C3orf33: variants seen among roughly 807,000 people sequenced by gnomAD.
C3orf33 encodes mitochondrial inner membrane subdomain organizer 1.
Under a neutral mutation model 28.7 loss-of-function variants are expected in C3orf33, and 23 were observed. The observed-to-expected ratio is 0.80, with a 90% CI of 0.58 to 1.13. The LOEUF is 1.13. Ranked by LOEUF, C3orf33 falls within the 50% of genes most tolerant of loss-of-function variation. C3orf33 has a pLI of 0.00. For missense variants in C3orf33, 327 were observed against 353.4 expected, an observed-to-expected ratio of 0.93 and a Z score of 0.60; for synonymous variants, 119 against 120.5, an observed-to-expected ratio of 0.99 and a Z score of 0.08.
In C3orf33 at chr3:155,765,611, G is replaced by C. The variant is rs1426283292; in HGVS notation, c.484-1693C>G. 2.0e-5 allele frequency among the ~76,000 whole-genome samples: 3 copies of C among 152,082 alleles called. No individual in the cohort carries two copies. In the South Asian group the frequency reaches 6.2e-4, roughly 31 times the overall value. On this transcript the variant is annotated intron_variant, in intron 4 of 4. Coordinates refer to ENST00000340171, the MANE Select transcript of C3orf33 (RefSeq NM_001308229.2). ...CACCCAGGCTGGAGTGCAGTGGCAC[G>C]ATCTCGGCTTACTGTAACCTCCGCC...
At position 155,790,634 on chromosome 3, in the gene C3orf33, T is replaced by C. The variant is rs978698814; in HGVS notation, c.174+11898A>G. Among the ~76,000 whole-genome samples, 3 of 152,090 alleles carry C rather than the reference T, an allele frequency of 2.0e-5. No individual in the cohort carries two copies. The South Asian group carries it at 6.2e-4, about 31-fold the overall frequency. On this transcript the variant is annotated intron_variant, in intron 2 of 4. Transcript: ENST00000340171. ...ATCCCTTTGCAGCAGCTGCGTGGCA[T>C]GGAGGGAGAATCTATGCACTTGGAT...
At chr3:155,799,987 A>G (rs1751593006) in intron 2 of C3orf33, among the ~76,000 whole-genome samples, 1 of 152,190 alleles carries the variant, frequency 6.6e-6, no homozygotes, top group Admixed American at 6.5e-5. Context: ...AATAGAATGA[A>G]TAAGATCTAG....
In C3orf33 at chr3:155,806,257, C is replaced by G; in HGVS notation, c.-5G>C. On this transcript the variant is annotated 5_prime_UTR_variant, in exon 1 of 5. Transcript: ENST00000340171. ...GGCCGCGGGCTGCCCCGCCATGTTC[C>G]CGGCCTCCTGCGAGCGGCCCTGAGC... is the stretch of plus-strand genomic sequence containing the variant. 1 of 1,466,626 alleles carries G rather than the reference C, an allele frequency of 6.8e-7. No homozygotes were observed. Among genetic ancestry groups the G allele is most frequent in the East Asian group, 2.8e-5 (1 of 36,302 alleles). 90.9% of individuals were successfully genotyped at this position (1,466,626 alleles called of 1,614,324 possible).
chr3:155,763,870 G>T lies in C3orf33; in HGVS notation c.532C>A (p.Leu178Ile). The T allele has an allele frequency of 1.3e-6, 2 of 1,504,372 alleles. No individual in the cohort carries two copies. The highest frequency in any genetic ancestry group is 2.7e-5 in the Admixed American group (1 of 37,590). The allele number at this position is 1,504,372 out of a possible 1,614,324, so 93.2% of individuals were successfully genotyped here. ...CCTTTAACAAGAACAGTTTTGCCAA[G>T]GCCTCTTCTCAAAATTTCTTCATTC... ...NLNEEILRRG[L>I]GKTVLVKGLK... The change falls in exon 5 of 5, where the codon CTT (leucine) becomes ATT (isoleucine). Residue 178 changes from leucine to isoleucine, a missense_variant. Physicochemically the swap from Leu to Ile is conservative, Grantham distance 5 (BLOSUM62 2). Coordinates refer to ENST00000340171, the MANE Select transcript of C3orf33 (RefSeq NM_001308229.2).
Position 155,769,324 on chromosome 3 carries a change from A to C in C3orf33, c.323-1655T>G, listed in dbSNP as rs530195870. 1.0e-3 allele frequency among the ~76,000 whole-genome samples: 155 copies of C among 151,576 alleles called. 1 individual carries two copies. The highest frequency in any genetic ancestry group is 3.6e-3 in the African/African-American group (149 of 41,368). Reference sequence around the variant, plus strand: ...CAAAACTCCCTCTCAAAAAAAAAAAAAAAAAATACAAAAATTAGCTGGGCA... The same window carrying C: ...CAAAACTCCCTCTCAAAAAAAAAAACAAAAAATACAAAAATTAGCTGGGCA... On this transcript the variant is annotated intron_variant, in intron 3 of 4. Transcript: ENST00000340171.
chr3:155,779,651 CA>C (rs113481391), intron 2 of C3orf33, among the ~76,000 whole-genome samples: 9 of 144,440 alleles, frequency 6.2e-5, no homozygotes, highest in Admixed American at 6.9e-5. Flanking sequence ...AGAAGAAGGG[CA>C]AAAAAAAAAT....
intron 2 of C3orf33, among the ~76,000 whole-genome samples, chr3:155,792,360 G>T (rs144714291): frequency 6.6e-6 from 1 of 152,176 alleles, no homozygotes; most frequent in East Asian, 1.9e-4. Context: ...TTCCAGAGAA[G>T]GACAGGTCCA....
At chr3:155,803,097 A>G (rs1364947761) in intron 1 of C3orf33, among the ~76,000 whole-genome samples, 1 of 152,200 alleles carries the variant, frequency 6.6e-6, no homozygotes, top group African/African-American at 2.4e-5. Context: ...CTTAATATAC[A>G]GCACTTGGCA....
chr3:155,799,580 T>G (rs373004122), intron 2 of C3orf33, among the ~76,000 whole-genome samples: 4 of 152,162 alleles, frequency 2.6e-5, no homozygotes, highest in East Asian at 3.9e-4. Flanking sequence ...TCCCAGCTAC[T>G]CAGGAGGCTG....
At chr3:155,771,229 G>A (rs553581543) in intron 3 of C3orf33, among the ~76,000 whole-genome samples, 26 of 151,834 alleles carry the variant, frequency 1.7e-4, no homozygotes, top group African/African-American at 6.0e-4. Flanking sequence ...TATCAGCCTC[G>A]CAAGTAACCA....
Position 155,767,591 on chromosome 3 carries a change from T to G in C3orf33, c.401A>C (p.Glu134Ala), listed in dbSNP as rs757102561. 2.5e-6 allele frequency: 4 copies of G among 1,598,294 alleles called. No individual in the cohort carries two copies. The highest frequency in any genetic ancestry group is 3.4e-6 in the Non-Finnish European group (4 of 1,170,348). ...AETGKAWLQK[E>A]LKPSQLLWFQ... is the part of the protein sequence containing the mutation. ...CCATAGTAATTGGGAAGGTTTTAGC[T>G]CTTTTTGTAACCATGCCTTCCCAGT... Residue 134 changes from glutamate (E) to alanine (A), a missense_variant, in exon 4 of 5, where the codon GAG becomes GCG. By Grantham distance (107) the Glu-to-Ala change is moderately radical. Coordinates refer to ENST00000340171, the MANE Select transcript of C3orf33 (RefSeq NM_001308229.2).
intron 3 of C3orf33, among the ~76,000 whole-genome samples, chr3:155,770,174 C>T (rs1750537264): frequency 6.6e-6 from 1 of 152,182 alleles, no homozygotes. Flanking sequence ...CTCAACAAAA[C>T]TCTTTGCCTT....
At chr3:155,800,627 A>AAAAAAAAAAAAAAAAAG (rs1751618315) in intron 2 of C3orf33, among the ~76,000 whole-genome samples, 1 of 147,122 alleles carries the variant, frequency 6.8e-6, no homozygotes, top group Non-Finnish European at 1.5e-5. Flanking sequence ...AAAAAAAAAA[A>AAAAAAAAAAAAAAAAAG]AAAAAAAAAA....
At chr3:155,793,169 A>T (rs1160809519) in intron 2 of C3orf33, among the ~76,000 whole-genome samples, 1 of 151,888 alleles carries the variant, frequency 6.6e-6, no homozygotes, top group Non-Finnish European at 1.5e-5. Context: ...GGCGAGAGTG[A>T]CATGGCATAA....
chr3:155,795,033 A>C (rs1751435899), intron 2 of C3orf33, among the ~76,000 whole-genome samples: 1 of 152,238 alleles, frequency 6.6e-6, no homozygotes, highest in Admixed American at 6.5e-5. Flanking sequence ...CTTAATCTGC[A>C]CGATAGACCA....
rs139880812 is a variant in C3orf33, at chr3:155,770,610, G to T, written c.323-2941C>A. ...ATTTAAAATATAATATGATCAACAA[G>T]AATTTAAAAATAAATCTTCCAGAAA... is the stretch of plus-strand genomic sequence containing the variant. On this transcript the variant is annotated intron_variant, in intron 3 of 4. Transcript: ENST00000340171. Among the ~76,000 whole-genome samples, 732 of 152,244 alleles carry T rather than the reference G, an allele frequency of 4.8e-3. 9 individuals carry two copies. The highest frequency in any genetic ancestry group is 0.017 in the African/African-American group (692 of 41,554).
chr3:155,763,734 T>C lies in C3orf33; in HGVS notation c.668A>G (p.Glu223Gly). The C allele has an allele frequency of 6.3e-7, 1 of 1,595,380 alleles. No individual in the cohort carries two copies. The highest frequency in any genetic ancestry group is 8.5e-7 in the Non-Finnish European group (1 of 1,175,328). Reference sequence around the variant, plus strand: ...ATCTTTGAATTTTTCTAAGTAACTTTCTTTTTCAGAGTCTTCCTTCCATAT... The same window carrying C: ...ATCTTTGAATTTTTCTAAGTAACTTCCTTTTTCAGAGTCTTCCTTCCATAT... The part of the protein sequence containing the change: ...EGIWKEDSEK[E>G]SYLEKFKDSW... Residue 223 changes from glutamate to glycine, a missense_variant, in exon 5 of 5, where the codon GAA becomes GGA. Coordinates refer to ENST00000340171, the MANE Select transcript of C3orf33 (RefSeq NM_001308229.2).
At chr3:155,770,968 G>GTGTC (rs1235777871) in intron 3 of C3orf33, among the ~76,000 whole-genome samples, 1 of 147,098 alleles carries the variant, frequency 6.8e-6, no homozygotes, top group Non-Finnish European at 1.5e-5. Flanking sequence ...ACCACTGTGT[G>GTGTC]TGTGTGTGTG....
At chr3:155,797,639 A>G (rs890388098) in intron 2 of C3orf33, among the ~76,000 whole-genome samples, 15 of 152,266 alleles carry the variant, frequency 9.9e-5, no homozygotes, top group Non-Finnish European at 2.1e-4. Flanking sequence ...TATAAAAATC[A>G]GTGGCATTTC....
Sources: gnomAD v4.1 joint callset for allele counts (sites outside exome capture counted in the v4.1 genomes callset) on GRCh38, gnomAD v4.1.1 for gene constraint, MANE v1.5 for transcripts, NCBI Gene and HGNC (gene_info 2026-07-23, HGNC 2026-07-21) for gene names.